Variants in SCN2A observed in about 807,000 individuals in gnomAD.
SCN2A encodes sodium channel protein type 2 subunit alpha.
SCN2A carries 20 observed loss-of-function variants against 188.7 expected under a neutral mutation model. That is an observed-to-expected ratio of 0.11 (90% confidence interval 0.07 to 0.15). The LOEUF is 0.15. SCN2A is among the 10% of genes least tolerant of loss of function. SCN2A has a pLI of 1.00. For synonymous variants in SCN2A, 804 were observed against 833.1 expected, an observed-to-expected ratio of 0.97 and a Z score of 0.60; for missense variants, 1,278 against 2,445.0, an observed-to-expected ratio of 0.52 and a Z score of 10.07.
intron 1 of SCN2A, among the ~76,000 whole-genome samples, chr2:165,291,498 T>TCTTTC (rs1559340381): frequency 1.1e-4 from 14 of 129,790 alleles, no homozygotes; most frequent in Middle Eastern, 3.9e-3. Flanking sequence ...TTCTTTTCTT[T>TCTTTC]CTTTCTTTCT....
chr2:165,286,533 T>G (rs1023878852), intron 1 of SCN2A, among the ~76,000 whole-genome samples: 17 of 152,184 alleles, frequency 1.1e-4, no homozygotes, highest in African/African-American at 3.9e-4. Flanking sequence ...ACATTGTATG[T>G]TGGAAGGAAG....
At chr2:165,359,707 T>C (rs1383270323) in intron 17 of SCN2A, among the ~76,000 whole-genome samples, 2 of 152,052 alleles carry the variant, frequency 1.3e-5, no homozygotes, top group East Asian at 1.9e-4. Context: ...TCCTGGAGAA[T>C]GTGTAGTCCT....
At chr2:165,353,120 G>A (rs944398298) in intron 16 of SCN2A, among the ~76,000 whole-genome samples, 5 of 151,694 alleles carry the variant, frequency 3.3e-5, no homozygotes, top group African/African-American at 1.2e-4. Context: ...TACTGGTGGA[G>A]CCTATTTTTA....
intron 1 of SCN2A, among the ~76,000 whole-genome samples, chr2:165,260,372 G>A (rs763412681): frequency 6.6e-6 from 1 of 152,170 alleles, no homozygotes; most frequent in Non-Finnish European, 1.5e-5. Flanking sequence ...TTGTCAATGA[G>A]CAGTAATATT....
At position 165,374,819 on chromosome 2, in the gene SCN2A, C is replaced by T; in HGVS notation, c.4107C>T (p.Tyr1369=). The change falls in exon 22 of 27, where the codon TAC becomes TAT. Residue 1369 remains tyrosine, a synonymous_variant. Transcript: ENST00000375437. The stretch of plus-strand genomic sequence containing the variant: ...GCAAGTTTTACCATTGTATTAATTA[C>T]ACCACTGGAGAGATGTTTGATGTAA... The part of the protein sequence containing the change: ...FAGKFYHCIN[Y]TTGEMFDVSV... 1 of 1,613,584 alleles carries T rather than the reference C, an allele frequency of 6.2e-7. No individual in the cohort carries two copies. Among genetic ancestry groups the T allele is most frequent in the Non-Finnish European group, 8.5e-7 (1 of 1,179,702 alleles).
At chr2:165,374,451 C>T (rs1346361551) in intron 21 of SCN2A, among the ~76,000 whole-genome samples, 1 of 152,034 alleles carries the variant, frequency 6.6e-6, no homozygotes, top group African/African-American at 2.4e-5. Flanking sequence ...AAATTTGCTA[C>T]ATGTGTGTTA....
At chr2:165,258,378 A>C (rs190195379) in intron 1 of SCN2A, among the ~76,000 whole-genome samples, 9 of 152,324 alleles carry the variant, frequency 5.9e-5, no homozygotes, top group Admixed American at 1.3e-4. Flanking sequence ...AATCTTCTGC[A>C]TATGGCTAGC....
chr2:165,366,972 T>C (rs1700763110), intron 18 of SCN2A, among the ~76,000 whole-genome samples: 1 of 152,148 alleles, frequency 6.6e-6, no homozygotes, highest in Non-Finnish European at 1.5e-5. Context: ...TTTTTATATA[T>C]TGTGTTTTTG....
chr2:165,339,423 AC>A (rs1386791425), intron 14 of SCN2A, among the ~76,000 whole-genome samples: 9 of 152,070 alleles, frequency 5.9e-5, no homozygotes, highest in African/African-American at 1.2e-4. Context: ...GGAAAAAAAA[AC>A]AAAACAAATA....
intron 17 of SCN2A, among the ~76,000 whole-genome samples, chr2:165,359,275 C>T (rs1700331929): frequency 6.6e-6 from 1 of 151,980 alleles, no homozygotes; most frequent in African/African-American, 2.4e-5. Flanking sequence ...ATTACTTTTT[C>T]CTATTATGTA....
intron 1 of SCN2A, among the ~76,000 whole-genome samples, chr2:165,263,713 T>A (rs1385298228): frequency 1.3e-5 from 2 of 152,076 alleles, no homozygotes; most frequent in East Asian, 3.9e-4. Flanking sequence ...TTTATTTTCA[T>A]ATGAATTTTA....
chr2:165,382,730 GA>G (rs1701668106), intron 25 of SCN2A, among the ~76,000 whole-genome samples: 1 of 152,148 alleles, frequency 6.6e-6, no homozygotes, highest in Non-Finnish European at 1.5e-5. Flanking sequence ...GAAGTCATAT[GA>G]AGGCACTGGG....
chr2:165,293,951 C>G, intron 1 of SCN2A: 1 of 951,744 alleles, frequency 1.1e-6, no homozygotes, highest in Non-Finnish European at 1.2e-6. Flanking sequence ...AATGCCTCTT[C>G]TTACTTCAGT....
intron 1 of SCN2A, among the ~76,000 whole-genome samples, chr2:165,288,958 T>C (rs1397375701): frequency 6.6e-6 from 1 of 152,076 alleles, no homozygotes; most frequent in Admixed American, 6.5e-5. Context: ...AAAACTACAA[T>C]TGTAGAACAG....
intron 17 of SCN2A, among the ~76,000 whole-genome samples, chr2:165,360,169 AATGTATCTTAGCTTC>A (rs1700388986): frequency 6.6e-6 from 1 of 151,844 alleles, no homozygotes; most frequent in African/African-American, 2.4e-5. Flanking sequence ...TTTTCTTCGA[AATGTATCTTAGCTTC>A]ATAATGAGAA....
chr2:165,312,620 G>A (rs991787286), intron 8 of SCN2A, among the ~76,000 whole-genome samples: 1 of 151,862 alleles, frequency 6.6e-6, no homozygotes, highest in African/African-American at 2.4e-5. Context: ...ATAATAATAG[G>A]GTTTTTGTGA....
intron 16 of SCN2A, among the ~76,000 whole-genome samples, chr2:165,348,885 C>G (rs1193568755): frequency 1.3e-5 from 2 of 152,096 alleles, no homozygotes; most frequent in East Asian, 3.9e-4. Flanking sequence ...CTGGCTTCTT[C>G]CAGGGAAGGT....
rs750029770 is a variant in SCN2A, at chr2:165,379,130, C to T, written c.4309-1462C>T. 3.4e-4 allele frequency among the ~76,000 whole-genome samples: 52 copies of T among 151,702 alleles called. 2 individuals are homozygous for T. The highest frequency in any genetic ancestry group is 1.9e-4 in the East Asian group (1 of 5,178). On this transcript the variant is annotated intron_variant, in intron 23 of 26. Coordinates refer to ENST00000375437, the MANE Select transcript of SCN2A (RefSeq NM_001040142.2). Reference sequence around the variant, plus strand: ...AACGTATCCTAAAGAAACTTATGCACATGTTTAGGATAATCTATGTACAAA... The same window carrying T: ...AACGTATCCTAAAGAAACTTATGCATATGTTTAGGATAATCTATGTACAAA...
chr2:165,321,373 C>T (rs913144377), intron 11 of SCN2A, among the ~76,000 whole-genome samples: 1 of 152,176 alleles, frequency 6.6e-6, no homozygotes, highest in African/African-American at 2.4e-5. Flanking sequence ...CCAAACTGTT[C>T]CATCCTCTGC....
Sources: gnomAD v4.1 joint callset for allele counts (sites outside exome capture counted in the v4.1 genomes callset) on GRCh38, gnomAD v4.1.1 for gene constraint, MANE v1.5 for transcripts, NCBI Gene and HGNC (gene_info 2026-07-23, HGNC 2026-07-21) for gene names.